Variants in VGLL4 observed in about 807,000 individuals in gnomAD.
VGLL4 encodes the protein transcription cofactor vestigial-like protein 4.
In VGLL4, 7 loss-of-function variants were observed where a neutral mutation model predicts 21.0. That is an observed-to-expected ratio of 0.33 (90% CI 0.19 to 0.63). The LOEUF is 0.63. Among genes scored for constraint, VGLL4 ranks in the 20% least tolerant of loss-of-function variants. The pLI, the probability that VGLL4 is intolerant of heterozygous loss-of-function variation, is 0.78. For missense variants in VGLL4, 394 were observed against 425.7 expected (o/e 0.93, Z 0.66); for synonymous variants, 222 against 173.2 (o/e 1.28, Z -2.21).
At chr3:11,628,880 G>C (rs761972832) in intron 1 of VGLL4, among the ~76,000 whole-genome samples, 7 of 152,124 alleles carry the variant, frequency 4.6e-5, no homozygotes, top group South Asian at 2.1e-4. Context: ...TTAAATATGA[G>C]ATACTACTTT....
intron 2 of VGLL4, among the ~76,000 whole-genome samples, chr3:11,651,859 T>C (rs1372796992): frequency 6.6e-6 from 1 of 152,186 alleles, no homozygotes; most frequent in Non-Finnish European, 1.5e-5. Context: ...TGATTATTTA[T>C]ACAACTTGGG....
intron 2 of VGLL4, among the ~76,000 whole-genome samples, chr3:11,679,919 A>T (rs1439252580): frequency 6.6e-6 from 1 of 152,206 alleles, no homozygotes; most frequent in Non-Finnish European, 1.5e-5. Flanking sequence ...GCAGAGTCGT[A>T]GGACACACGA....
rs575077826 is a variant in VGLL4, at chr3:11,592,880, C to T, written c.272+8953G>A. ...CATGAAGCACGCAGCACAGTGCCAG[C>T]GCACAAGGGCTCACGAGTTGCTGTT... On this transcript the variant is annotated intron_variant, in intron 2 of 4. Transcript: ENST00000430365. Among the ~76,000 whole-genome samples, 6 of 152,280 alleles carry T rather than the reference C, an allele frequency of 3.9e-5. No homozygotes were observed. In the East Asian group the frequency reaches 5.8e-4, roughly 15 times the overall value.
intron 2 of VGLL4, among the ~76,000 whole-genome samples, chr3:11,570,846 C>T (rs1416964536): frequency 3.3e-5 from 5 of 152,206 alleles, no homozygotes; most frequent in Admixed American, 3.3e-4. Context: ...CCACAACACA[C>T]ACACAGGAGT....
At chr3:11,592,867 A>G (rs1245156078) in intron 2 of VGLL4, among the ~76,000 whole-genome samples, 1 of 152,184 alleles carries the variant, frequency 6.6e-6, no homozygotes, top group Non-Finnish European at 1.5e-5. Context: ...TGAAGCACGC[A>G]GCACAGTGCC....
At chr3:11,692,214 C>T (rs1442063127) in intron 2 of VGLL4, among the ~76,000 whole-genome samples, 1 of 152,134 alleles carries the variant, frequency 6.6e-6, no homozygotes, top group African/African-American at 2.4e-5. Context: ...TGCTAATTAA[C>T]AAGGCATGTT....
intron 1 of VGLL4, among the ~76,000 whole-genome samples, chr3:11,631,926 C>T (rs1222694271): frequency 6.6e-6 from 1 of 152,164 alleles, no homozygotes; most frequent in Admixed American, 6.5e-5. Flanking sequence ...AGAAATCCCC[C>T]TCGGAGTGCT....
intron 2 of VGLL4, among the ~76,000 whole-genome samples, chr3:11,654,438 C>T (rs752566440): frequency 6.6e-6 from 1 of 152,184 alleles, no homozygotes; most frequent in Non-Finnish European, 1.5e-5. Flanking sequence ...AGAGCTGGGA[C>T]CAGAAGCTGT....
chr3:11,582,474 A>G, intron 2 of VGLL4: 3 of 1,121,084 alleles, frequency 2.7e-6, no homozygotes, highest in South Asian at 1.6e-5. Flanking sequence ...GCACTGCAAT[A>G]AAAGTTTCCT....
chr3:11,634,214 C>G (rs537780113), intron 1 of VGLL4, among the ~76,000 whole-genome samples: 1 of 152,274 alleles, frequency 6.6e-6, no homozygotes, highest in African/African-American at 2.4e-5. Context: ...TATGAGCTCA[C>G]CCCAGAACCT....
intron 3 of VGLL4, among the ~76,000 whole-genome samples, chr3:11,564,192 G>T (rs889410773): frequency 1.3e-5 from 2 of 152,150 alleles, no homozygotes; most frequent in Admixed American, 6.5e-5. Context: ...TTTTTAAAAA[G>T]ATTTGTTTCT....
chr3:11,609,088 G>A (rs1051896535), intron 1 of VGLL4, among the ~76,000 whole-genome samples: 4 of 152,064 alleles, frequency 2.6e-5, no homozygotes, highest in Admixed American at 2.6e-4. Context: ...GGGTAGTCTA[G>A]AACTCCTGAT....
chr3:11,702,445 AC>A (rs2076694074), intron 2 of VGLL4, among the ~76,000 whole-genome samples: 1 of 107,768 alleles, frequency 9.3e-6, no homozygotes, highest in Non-Finnish European at 1.8e-5. Flanking sequence ...CCCCGCCTCT[AC>A]TAAAAATACA....
intron 1 of VGLL4, among the ~76,000 whole-genome samples, chr3:11,716,368 C>T (rs536682266): frequency 1.3e-5 from 2 of 150,830 alleles, no homozygotes; most frequent in East Asian, 3.9e-4. Context: ...GCAAAAAGCA[C>T]ACTTGTTTAC....
intron 2 of VGLL4, among the ~76,000 whole-genome samples, chr3:11,600,322 T>C (rs1297775695): frequency 6.6e-6 from 1 of 151,040 alleles, no homozygotes; most frequent in Non-Finnish European, 1.5e-5. Flanking sequence ...AATTAAGGCA[T>C]GTTTGTCTGC....
chr3:11,591,576 G>A (rs953998987), intron 2 of VGLL4, among the ~76,000 whole-genome samples: 1 of 152,216 alleles, frequency 6.6e-6, no homozygotes, highest in African/African-American at 2.4e-5. Flanking sequence ...CTCCCTGCTC[G>A]GATAAGGAGG....
At chr3:11,679,850 A>G (rs2076345806) in intron 2 of VGLL4, among the ~76,000 whole-genome samples, 1 of 152,226 alleles carries the variant, frequency 6.6e-6, no homozygotes, top group Non-Finnish European at 1.5e-5. Context: ...TTAGTAATTT[A>G]CTGAAGAGAG....
At chr3:11,626,046 G>A (rs1559907995) in intron 1 of VGLL4, among the ~76,000 whole-genome samples, 3 of 152,278 alleles carry the variant, frequency 2.0e-5, no homozygotes, top group African/African-American at 4.8e-5. Flanking sequence ...CATGGTGTAC[G>A]AATTATATCT....
chr3:11,680,522 A>G (rs2053920340), intron 2 of VGLL4, among the ~76,000 whole-genome samples: 1 of 152,186 alleles, frequency 6.6e-6, no homozygotes, highest in African/African-American at 2.4e-5. Context: ...TAGTGCCAAA[A>G]CACAAGGTCC....
Sources: gnomAD v4.1 joint callset for allele counts (sites outside exome capture counted in the v4.1 genomes callset) on GRCh38, gnomAD v4.1.1 for gene constraint, MANE v1.5 for transcripts, NCBI Gene and HGNC (gene_info 2026-07-23, HGNC 2026-07-21) for gene names.